Variants in FRMD3 observed in about 807,000 individuals in gnomAD.
FRMD3 encodes FERM domain-containing protein 3.
In FRMD3, 33 loss-of-function variants were observed where a neutral mutation model predicts 70.2. The observed-to-expected ratio is 0.47, with a 90% CI of 0.36 to 0.63. The LOEUF (loss-of-function observed/expected upper bound fraction) is 0.63. FRMD3 is among the 20% of genes least tolerant of loss of function. FRMD3 has a pLI of 0.00. For missense variants in FRMD3, 632 were observed against 711.4 expected (o/e 0.89, Z 1.27); for synonymous variants, 279 against 255.9 (o/e 1.09, Z -0.86).
intron 1 of FRMD3, among the ~76,000 whole-genome samples, chr9:83,523,863 C>T (rs532465859): frequency 6.6e-6 from 1 of 152,312 alleles, no homozygotes; most frequent in Non-Finnish European, 1.5e-5. Context: ...AAAGGTGTCA[C>T]TCAAGGTGCC....
rs1282672031 is a variant in FRMD3, at chr9:83,357,253, AT to A, written c.296-7497del. Among the ~76,000 whole-genome samples the A allele has an allele frequency of 5.5e-4, 12 of 21,684 alleles. 1 individual carries two copies. The highest frequency in any genetic ancestry group is 8.2e-4 in the African/African-American group (2 of 2,448). The allele number at this position is 21,684 out of a possible 152,430, so 14.2% of individuals were successfully genotyped here. A position where few individuals can be genotyped will look rare whatever the true frequency, so the allele number is the denominator to read the frequency against. ...ATATATATATAATACATACATATAT[AT>A]ATATATATATATATATATATATATA... On this transcript the variant is annotated intron_variant, in intron 3 of 13. Coordinates refer to ENST00000304195, the MANE Select transcript of FRMD3 (RefSeq NM_174938.6).
At chr9:83,333,925 T>C (rs940770647) in intron 6 of FRMD3, among the ~76,000 whole-genome samples, 7 of 152,108 alleles carry the variant, frequency 4.6e-5, no homozygotes, top group Non-Finnish European at 1.0e-4. Flanking sequence ...GAGAACTGAG[T>C]GGGATAATGC....
intron 6 of FRMD3, among the ~76,000 whole-genome samples, chr9:83,329,831 T>A (rs533790861): frequency 1.3e-5 from 2 of 152,332 alleles, no homozygotes; most frequent in South Asian, 4.1e-4. Context: ...AATGCAAATG[T>A]CTCTGTCTCT....
At chr9:83,467,300 G>T (rs1300885422) in intron 1 of FRMD3, among the ~76,000 whole-genome samples, 1 of 152,174 alleles carries the variant, frequency 6.6e-6, no homozygotes, top group African/African-American at 2.4e-5. Flanking sequence ...GAGGGCTGTT[G>T]TCTGTGCTTT....
downstream of FRMD3, among the ~76,000 whole-genome samples, chr9:83,244,236 T>C (rs927199244): frequency 1.3e-5 from 2 of 152,176 alleles, no homozygotes; most frequent in Non-Finnish European, 2.9e-5. Flanking sequence ...CAGCTCTCTC[T>C]GGCGTGGGAA....
intron 1 of FRMD3, among the ~76,000 whole-genome samples, chr9:83,424,601 A>G (rs1302876682): frequency 6.6e-6 from 1 of 152,258 alleles, no homozygotes; most frequent in Non-Finnish European, 1.5e-5. Context: ...AAAAGAAGAA[A>G]GAAGCTCTCC....
chr9:83,464,204 A>G (rs1000381894), intron 1 of FRMD3, among the ~76,000 whole-genome samples: 1 of 152,188 alleles, frequency 6.6e-6, no homozygotes, highest in Non-Finnish European at 1.5e-5. Context: ...TGAATTATTT[A>G]ACAGCTTCTT....
the FRMD3 span, among the ~76,000 whole-genome samples, chr9:83,558,676 G>A: frequency 6.6e-6 from 1 of 152,118 alleles, no homozygotes; most frequent in Non-Finnish European, 1.5e-5. Context: ...TCCTCTGATG[G>A]ATCTGGAATA....
chr9:83,394,570 G>A (rs1825761092), intron 1 of FRMD3, among the ~76,000 whole-genome samples: 1 of 152,136 alleles, frequency 6.6e-6, no homozygotes, highest in Non-Finnish European at 1.5e-5. Context: ...GCTATATACT[G>A]TTGTTGTTTG....
At chr9:83,446,378 T>G (rs956673984) in intron 1 of FRMD3, among the ~76,000 whole-genome samples, 2 of 152,164 alleles carry the variant, frequency 1.3e-5, no homozygotes, top group Non-Finnish European at 2.9e-5. Context: ...CCGGGCGCGG[T>G]GGCTCACGCA....
intron 1 of FRMD3, among the ~76,000 whole-genome samples, chr9:83,479,054 A>G (rs973151599): frequency 3.3e-5 from 5 of 152,118 alleles, no homozygotes; most frequent in Admixed American, 1.3e-4. Flanking sequence ...ATTATATAAA[A>G]AACTATACAT....
At chr9:83,417,691 A>G (rs1247415377) in intron 1 of FRMD3, among the ~76,000 whole-genome samples, 2 of 152,240 alleles carry the variant, frequency 1.3e-5, no homozygotes, top group Non-Finnish European at 2.9e-5. Flanking sequence ...CAGCAAGCTG[A>G]AGCCATGGAC....
intron 10 of FRMD3, among the ~76,000 whole-genome samples, chr9:83,303,470 G>A (rs550395801): frequency 6.6e-6 from 1 of 152,158 alleles, no homozygotes; most frequent in African/African-American, 2.4e-5. Flanking sequence ...CACCTGGAAG[G>A]CTTTTTAAAA....
In FRMD3 at chr9:83,248,430, G is replaced by A. The variant is rs781682434; in HGVS notation, c.1282C>T (p.Pro428Ser). 53 of 1,613,944 alleles carry A rather than the reference G, an allele frequency of 3.3e-5. No individual in the cohort carries two copies. Among genetic ancestry groups the A allele is most frequent in the Non-Finnish European group, 4.3e-5 (51 of 1,180,036 alleles). The change falls in exon 14 of 14, where the codon CCT (proline) becomes TCT (serine). Residue 428 changes from proline to serine, a missense_variant. Pro to Ser is a moderately conservative substitution (Grantham distance 74). Transcript: ENST00000304195. ...VKAAREYEDP[P>S]SEEEDKIKEE... Reference sequence around the variant, plus strand: ...TTTATTTTATCTTCCTCTTCACTAGGGGGATCTTCATACTCCCGGGCTGCC... The same window carrying A: ...TTTATTTTATCTTCCTCTTCACTAGAGGGATCTTCATACTCCCGGGCTGCC...
At position 83,248,534 on chromosome 9, in the gene FRMD3, T is replaced by C. The variant is rs1420716647; in HGVS notation, c.1196-18A>G. On this transcript the variant is annotated intron_variant, in intron 13 of 13. Transcript: ENST00000304195. ...TGGAACACCTGTAAAGAGACATTTTTTTTTCTAAATTTAAAATTTCAGATT... is the reference window on the plus strand; with the variant it reads ...TGGAACACCTGTAAAGAGACATTTTCTTTTCTAAATTTAAAATTTCAGATT... 6.5e-7 allele frequency: 1 copy of C among 1,532,062 alleles called. No individual in the cohort carries two copies. Among genetic ancestry groups the C allele is most frequent in the South Asian group, 1.2e-5 (1 of 80,828 alleles). The allele number at this position is 1,532,062 out of a possible 1,614,324, so 94.9% of individuals were successfully genotyped here. A position where few individuals can be genotyped will look rare whatever the true frequency, so the allele number is the denominator to read the frequency against.
intron 1 of FRMD3, among the ~76,000 whole-genome samples, chr9:83,490,996 A>G (rs1429487249): frequency 6.6e-6 from 1 of 152,244 alleles, no homozygotes; most frequent in Non-Finnish European, 1.5e-5. Flanking sequence ...GACTTTGACA[A>G]CCACCACATT....
intron 10 of FRMD3, among the ~76,000 whole-genome samples, chr9:83,309,012 C>T (rs150510909): frequency 1.0e-3 from 156 of 152,232 alleles, no homozygotes; most frequent in Non-Finnish European, 1.6e-3. Flanking sequence ...CATATTATAC[C>T]ATGTCCCAGA....
chr9:83,462,547 T>C (rs1828005250), intron 1 of FRMD3, among the ~76,000 whole-genome samples: 1 of 152,192 alleles, frequency 6.6e-6, no homozygotes, highest in Admixed American at 6.5e-5. Flanking sequence ...TCCTCCATGG[T>C]ACCACCACAT....
intron 1 of FRMD3, among the ~76,000 whole-genome samples, chr9:83,415,614 CTTTTT>C (rs1168650565): frequency 1.0e-4 from 11 of 108,960 alleles, no homozygotes; most frequent in Non-Finnish European, 1.5e-4. Context: ...GACTAATTTT[CTTTTT>C]TTTTTTTTTT....
Sources: gnomAD v4.1 joint callset for allele counts (sites outside exome capture counted in the v4.1 genomes callset) on GRCh38, gnomAD v4.1.1 for gene constraint, MANE v1.5 for transcripts, NCBI Gene and HGNC (gene_info 2026-07-23, HGNC 2026-07-21) for gene names.